Variants in ATP2B2 observed in about 807,000 individuals in gnomAD.
ATP2B2 encodes the protein plasma membrane calcium-transporting ATPase 2.
ATP2B2 carries 15 observed loss-of-function variants against 120.0 expected under a neutral mutation model. The observed-to-expected ratio is 0.12, with a 90% CI of 0.08 to 0.19. The LOEUF is 0.19. ATP2B2 is among the 10% of genes least tolerant of loss of function. The probability of loss-of-function intolerance (pLI) is 1.00; values close to 1 mark genes in which losing one functional copy is unlikely to be tolerated. For synonymous variants in ATP2B2, 694 were observed against 700.3 expected (o/e 0.99, Z 0.14); for missense variants, 1,045 against 1,719.8 (o/e 0.61, Z 6.94).
intron 2 of ATP2B2, among the ~76,000 whole-genome samples, chr3:10,437,599 C>T (rs1046633256): frequency 6.6e-6 from 1 of 152,222 alleles, no homozygotes; most frequent in Admixed American, 6.5e-5. Flanking sequence ...TCCCTCATTA[C>T]AGTCCGCTTG....
At chr3:10,454,047 C>A (rs1208689641) in intron 1 of ATP2B2, among the ~76,000 whole-genome samples, 2 of 150,736 alleles carry the variant, frequency 1.3e-5, no homozygotes, top group African/African-American at 2.4e-5. Context: ...ATCCACTCAT[C>A]CATCCATCCA....
intron 1 of ATP2B2, among the ~76,000 whole-genome samples, chr3:10,620,263 C>T (rs2069508709): frequency 6.6e-6 from 1 of 152,160 alleles, no homozygotes; most frequent in Non-Finnish European, 1.5e-5. Flanking sequence ...CTTGGCTGGG[C>T]ATCCTCCCCT....
chr3:10,671,894 A>T lies in ATP2B2; in HGVS notation c.-460+36021T>A, dbSNP rs528870703. 2.6e-5 allele frequency among the ~76,000 whole-genome samples: 4 copies of T among 152,310 alleles called. No individual in the cohort carries two copies. The South Asian group carries it at 8.3e-4, about 32-fold the overall frequency. On this transcript the variant is annotated intron_variant, in intron 1 of 21. Transcript: ENST00000646379. The stretch of plus-strand genomic sequence containing the variant: ...TAGGAAAGCACATCTCCTTAAAATC[A>T]CCATGATGCCATATTTCCATGAATT...
intron 2 of ATP2B2, among the ~76,000 whole-genome samples, chr3:10,615,557 G>A (rs2125615447): frequency 6.6e-6 from 1 of 152,284 alleles, no homozygotes; most frequent in Admixed American, 6.5e-5. Context: ...GACCCACAGT[G>A]ATCTAAGAAG....
intron 1 of ATP2B2, among the ~76,000 whole-genome samples, chr3:10,669,377 C>A (rs1351947444): frequency 6.6e-6 from 1 of 152,146 alleles, no homozygotes; most frequent in Non-Finnish European, 1.5e-5. Context: ...ATCTCCCCAG[C>A]CCATACCCCA....
intron 1 of ATP2B2, among the ~76,000 whole-genome samples, chr3:10,474,715 C>T (rs1172421172): frequency 6.6e-6 from 1 of 152,276 alleles, no homozygotes; most frequent in Non-Finnish European, 1.5e-5. Flanking sequence ...TAAGGTTCCA[C>T]ACTTCCAGGC....
intron 1 of ATP2B2, among the ~76,000 whole-genome samples, chr3:10,643,251 G>C (rs1397652891): frequency 2.6e-5 from 4 of 152,202 alleles, no homozygotes; most frequent in Non-Finnish European, 4.4e-5. Context: ...ACATAGAAGA[G>C]TGGATGCATC....
chr3:10,501,883 C>T (rs1042080165), intron 1 of ATP2B2, among the ~76,000 whole-genome samples: 13 of 152,168 alleles, frequency 8.5e-5, no homozygotes, highest in African/African-American at 2.7e-4. Flanking sequence ...CCCCAGGGTG[C>T]GGAGTGAAAT....
At chr3:10,564,203 T>A (rs2067961716) in intron 2 of ATP2B2, among the ~76,000 whole-genome samples, 1 of 152,184 alleles carries the variant, frequency 6.6e-6, no homozygotes, top group South Asian at 2.1e-4. Flanking sequence ...TGGGGGCTGA[T>A]CAATAATACC....
chr3:10,695,344 C>G (rs1196126927), intron 1 of ATP2B2, among the ~76,000 whole-genome samples: 2 of 151,906 alleles, frequency 1.3e-5, no homozygotes, highest in African/African-American at 2.4e-5. Flanking sequence ...GCCTTATTCA[C>G]TATCATGAGA....
At chr3:10,562,566 C>T (rs1310491769) in intron 2 of ATP2B2, among the ~76,000 whole-genome samples, 1 of 152,178 alleles carries the variant, frequency 6.6e-6, no homozygotes, top group African/African-American at 2.4e-5. Context: ...TGACCCCTCA[C>T]CTCCAGCGCC....
intron 1 of ATP2B2, among the ~76,000 whole-genome samples, chr3:10,504,564 C>CA (rs922255451): frequency 2.0e-5 from 3 of 150,702 alleles, no homozygotes; most frequent in Non-Finnish European, 4.4e-5. Flanking sequence ...TCCAGAGCAC[C>CA]CCCCCAACCC....
At chr3:10,450,141 T>C (rs1036432063) in intron 1 of ATP2B2, among the ~76,000 whole-genome samples, 4 of 152,164 alleles carry the variant, frequency 2.6e-5, no homozygotes. Context: ...ACACACACTG[T>C]GTGTACACAC....
chr3:10,506,591 G>A (rs1329730746), upstream of ATP2B2, among the ~76,000 whole-genome samples: 1 of 152,208 alleles, frequency 6.6e-6, no homozygotes, highest in Non-Finnish European at 1.5e-5. Context: ...GTCACCGGGG[G>A]CGAGGGGCTT....
intron 2 of ATP2B2, among the ~76,000 whole-genome samples, chr3:10,603,848 G>C (rs1000522037): frequency 6.6e-6 from 1 of 152,114 alleles, no homozygotes; most frequent in African/African-American, 2.4e-5. Flanking sequence ...ACTCTCAGAC[G>C]ACAGAGCAAC....
chr3:10,667,873 T>C (rs948759628), intron 1 of ATP2B2, among the ~76,000 whole-genome samples: 1 of 152,232 alleles, frequency 6.6e-6, no homozygotes, highest in African/African-American at 2.4e-5. Flanking sequence ...CAAGCTCCTT[T>C]CTTACTATGC....
chr3:10,578,380 T>TA lies in ATP2B2; in HGVS notation c.-415+41536dup, dbSNP rs200655377. On this transcript the variant is annotated intron_variant, in intron 2 of 21. Transcript: ENST00000646379. ...TAACATGGTGAAATCCCGTTTCTAC[T>TA]AAAAAAAATACAAAAAATTAACCAG... Among the ~76,000 whole-genome samples, 1,007 of 150,158 alleles carry TA rather than the reference T, an allele frequency of 6.7e-3. 10 individuals are homozygous for TA. Among genetic ancestry groups the TA allele is most frequent in the African/African-American group, 0.017 (699 of 40,540 alleles).
chr3:10,503,524 G>A (rs886739379), intron 1 of ATP2B2, among the ~76,000 whole-genome samples: 1 of 152,222 alleles, frequency 6.6e-6, no homozygotes, highest in African/African-American at 2.4e-5. Flanking sequence ...TGTCCTCATC[G>A]GAAGTCCCTT....
chr3:10,416,586 T>C (rs2062789441), intron 2 of ATP2B2, among the ~76,000 whole-genome samples: 3 of 152,152 alleles, frequency 2.0e-5, no homozygotes, highest in Non-Finnish European at 4.4e-5. Context: ...TTGAGAGCCG[T>C]CTGACAAACT....
Sources: gnomAD v4.1 joint callset for allele counts (sites outside exome capture counted in the v4.1 genomes callset) on GRCh38, gnomAD v4.1.1 for gene constraint, MANE v1.5 for transcripts, NCBI Gene and HGNC (gene_info 2026-07-23, HGNC 2026-07-21) for gene names.